Variants in PSME4 observed in about 807,000 individuals in gnomAD.
PSME4 encodes the protein proteasome activator complex subunit 4.
Under a neutral mutation model 253.9 loss-of-function variants are expected in PSME4, and 89 were observed. The ratio of observed to expected loss-of-function variants is 0.35; its 90% CI spans 0.30 to 0.42. PSME4 has a LOEUF of 0.42. Ranked by LOEUF, PSME4 falls within the 10% of genes least tolerant of loss-of-function variation. PSME4 has a pLI of 1.00. For synonymous variants in PSME4, 851 were observed against 759.2 expected (o/e 1.12, Z -1.99); for missense variants, 2,014 against 2,195.2 (o/e 0.92, Z 1.65).
chr2:53,895,597 G>A lies in PSME4; in HGVS notation c.3828C>T (p.Tyr1276=), dbSNP rs945744288. 9 of 1,612,212 alleles carry A rather than the reference G, an allele frequency of 5.6e-6. No homozygotes were observed. Among genetic ancestry groups the A allele is most frequent in the Non-Finnish European group, 7.6e-6 (9 of 1,179,216 alleles). Residue 1276 remains tyrosine (Y), a synonymous_variant, in exon 33 of 47, where the codon TAC becomes TAT. Coordinates refer to ENST00000404125, the MANE Select transcript of PSME4 (RefSeq NM_014614.3). Reference sequence around the variant, plus strand: ...AAGTTACTTACTTTGGCCAGGTGTAGTATCCCCAGTGAGTTTTTTCCACAA... The same window carrying A: ...AAGTTACTTACTTTGGCCAGGTGTAATATCCCCAGTGAGTTTTTTCCACAA... The part of the protein sequence containing the change: ...SCFVEKTHWG[Y]YTWPKNMVVY...
At chr2:53,963,786 A>AT (rs2104490732) in intron 1 of PSME4, among the ~76,000 whole-genome samples, 1 of 152,338 alleles carries the variant, frequency 6.6e-6, no homozygotes, top group Admixed American at 6.5e-5. Flanking sequence ...GATCAAAGTG[A>AT]TAATAGATGT....
chr2:53,873,238 C>CAAAAAAAAAAAAAAAAAAAA (rs60203960), intron 43 of PSME4, among the ~76,000 whole-genome samples: 53 of 123,056 alleles, frequency 4.3e-4, no homozygotes, highest in African/African-American at 9.9e-4. Flanking sequence ...GACTCCGTCT[C>CAAAAAAAAAAAAAAAAAAAA]AAAAAAAAAG....
Position 53,927,526 on chromosome 2 carries a change from A to C in PSME4, c.1504-43T>G, listed in dbSNP as rs201726722. Reference sequence around the variant, plus strand: ...GGATTTTCAACATTACATAATTCTAATTCAGAAATACAAGTATACCATGAA... The same window carrying C: ...GGATTTTCAACATTACATAATTCTACTTCAGAAATACAAGTATACCATGAA... On this transcript the variant is annotated intron_variant, in intron 11 of 46. Coordinates refer to ENST00000404125, the MANE Select transcript of PSME4 (RefSeq NM_014614.3). 6.8e-6 allele frequency: 9 copies of C among 1,318,582 alleles called. No individual in the cohort carries two copies. The East Asian group carries it at 2.1e-4, about 30-fold the overall frequency. 81.7% of individuals were successfully genotyped at this position (1,318,582 alleles called of 1,614,324 possible).
chr2:53,933,041 G>C (rs1668918127), intron 8 of PSME4: 1 of 301,138 alleles, frequency 3.3e-6, no homozygotes, highest in African/African-American at 2.1e-5. Flanking sequence ...GTACTTTACT[G>C]TTCTGCAGTA....
intron 19 of PSME4, 49 bp downstream of exon 19, chr2:53,920,144 A>C: frequency 6.8e-7 from 1 of 1,478,768 alleles, no homozygotes; most frequent in African/African-American, 1.4e-5. Flanking sequence ...GCCAAAAAAG[A>C]CTTCTTTAGT....
intron 8 of PSME4, chr2:53,933,024 A>G (rs536717428): frequency 5.0e-4 from 195 of 389,774 alleles, no homozygotes; most frequent in African/African-American, 3.6e-3. Flanking sequence ...TTAGGATAAC[A>G]AACAGCGTAC....
chr2:53,905,296 T>G (rs1255667083), intron 26 of PSME4, among the ~76,000 whole-genome samples: 3 of 151,916 alleles, frequency 2.0e-5, no homozygotes, highest in Non-Finnish European at 4.4e-5. Context: ...ACCCACAGTG[T>G]TGGGATTACA....
At chr2:53,945,201 T>C (rs1022377048) in intron 3 of PSME4, among the ~76,000 whole-genome samples, 2 of 152,216 alleles carry the variant, frequency 1.3e-5, no homozygotes, top group East Asian at 3.8e-4. Context: ...AGCAACACCA[T>C]TAGTATGTTG....
At chr2:53,867,263 G>A (rs957625492) in intron 44 of PSME4, among the ~76,000 whole-genome samples, 1 of 152,154 alleles carries the variant, frequency 6.6e-6, no homozygotes, top group Non-Finnish European at 1.5e-5. Flanking sequence ...CCAGCACACT[G>A]AGAGACCAGG....
chr2:53,920,043 C>T (rs1019296815), intron 19 of PSME4, 150 bp downstream of exon 19: 8 of 721,920 alleles, frequency 1.1e-5, no homozygotes, highest in African/African-American at 5.4e-5. Flanking sequence ...TTCTGTTATA[C>T]AACATTATAT....
intron 36 of PSME4, among the ~76,000 whole-genome samples, chr2:53,891,727 C>T (rs768497484): frequency 6.6e-5 from 10 of 151,764 alleles, no homozygotes; most frequent in Admixed American, 2.0e-4. Flanking sequence ...GACAAGGTGG[C>T]GCATGCCTGT....
intron 24 of PSME4, chr2:53,908,055 G>T: frequency 2.6e-6 from 1 of 377,800 alleles, no homozygotes; most frequent in Non-Finnish European, 4.7e-6. Flanking sequence ...GTTCTTACAA[G>T]GTAGTCTCAA....
chr2:53,895,462 A>G (rs771378602), intron 33 of PSME4, 121 bp downstream of exon 33: 652 of 986,522 alleles, frequency 6.6e-4, no homozygotes, highest in Non-Finnish European at 8.4e-4. Flanking sequence ...GAAAGAGAGG[A>G]CTAGGGAAGG....
intron 20 of PSME4, among the ~76,000 whole-genome samples, chr2:53,916,360 A>G (rs1166865486): frequency 6.6e-6 from 1 of 152,224 alleles, no homozygotes; most frequent in Non-Finnish European, 1.5e-5. Flanking sequence ...TGTTATTAAC[A>G]ATAGATATTT....
At position 53,875,732 on chromosome 2, in the gene PSME4, A is replaced by G. The variant is rs774925042; in HGVS notation, c.4839T>C (p.Asn1613=). ...FFKIAPVEND[N]SYDELKRDAK... ...CATCTCTTTTCAGTTCATCGTAGCT[A>G]TTGTCATTTTCCACTGGGGCAATCT... Residue 1613 remains asparagine (N), a synonymous_variant, in exon 42 of 47, where the codon AAT becomes AAC. Coordinates refer to ENST00000404125, the MANE Select transcript of PSME4 (RefSeq NM_014614.3). The G allele has an allele frequency of 7.4e-6, 12 of 1,611,888 alleles. No homozygotes were observed. Among genetic ancestry groups the G allele is most frequent in the Non-Finnish European group, 9.3e-6 (11 of 1,179,134 alleles).
intron 29 of PSME4, among the ~76,000 whole-genome samples, chr2:53,899,324 C>G (rs1240181783): frequency 6.6e-6 from 1 of 151,934 alleles, no homozygotes; most frequent in African/African-American, 2.4e-5. Context: ...CCTCAGCCTC[C>G]CAAAGTGCTG....
rs1368195116 is a variant in PSME4 at position 53,865,117 on chromosome 2, G to A, written c.*461C>T. 6.6e-6 allele frequency: 1 copy of A among 152,582 alleles called. No homozygotes were observed. Among genetic ancestry groups the A allele is most frequent in the Non-Finnish European group, 1.5e-5 (1 of 68,060 alleles). The allele number at this position is 152,582 out of a possible 1,614,324, so 9.5% of individuals were successfully genotyped here. On this transcript the variant is annotated 3_prime_UTR_variant, in exon 47 of 47. Coordinates refer to ENST00000404125, the MANE Select transcript of PSME4 (RefSeq NM_014614.3). ...GGCTCTCCAGACCCAAGGTTCTCAA[G>A]GCTTCAGATTTATGGCCCACAGCCC...
intron 8 of PSME4, among the ~76,000 whole-genome samples, chr2:53,934,005 G>C (rs970427167): frequency 1.3e-5 from 2 of 152,084 alleles, no homozygotes; most frequent in East Asian, 3.8e-4. Context: ...AAGCTAACGT[G>C]TAAAACAGAA....
intron 41 of PSME4, among the ~76,000 whole-genome samples, chr2:53,880,848 C>A (rs999091360): frequency 6.6e-6 from 1 of 152,140 alleles, no homozygotes; most frequent in Non-Finnish European, 1.5e-5. Flanking sequence ...ATTTTATTCA[C>A]ACTCACAGTA....
Sources: gnomAD v4.1 joint callset for allele counts (sites outside exome capture counted in the v4.1 genomes callset) on GRCh38, gnomAD v4.1.1 for gene constraint, MANE v1.5 for transcripts, NCBI Gene and HGNC (gene_info 2026-07-23, HGNC 2026-07-21) for gene names.